Variants in CYTH1 observed in about 807,000 individuals in gnomAD.
CYTH1 encodes cytohesin-1.
In CYTH1, 18 loss-of-function variants were observed where a neutral mutation model predicts 61.8. The observed-to-expected ratio is 0.29, with a 90% confidence interval of 0.20 to 0.43. The LOEUF (loss-of-function observed/expected upper bound fraction) is 0.43, where lower values mean the gene tolerates loss of function less well. Among genes scored for constraint, CYTH1 ranks in the 20% least tolerant of loss-of-function variants. The probability of loss-of-function intolerance (pLI) is 1.00; values close to 1 mark genes in which losing one functional copy is unlikely to be tolerated. For missense variants in CYTH1, 336 were observed against 510.5 expected, an observed-to-expected ratio of 0.66 and a Z score of 3.29; for synonymous variants, 174 against 184.3, an observed-to-expected ratio of 0.94 and a Z score of 0.45.
intron 1 of CYTH1, among the ~76,000 whole-genome samples, chr17:78,720,742 G>T (rs543981156): frequency 1.3e-5 from 2 of 152,334 alleles, no homozygotes; most frequent in Admixed American, 1.3e-4. Context: ...ACATGTGGTG[G>T]CACGCACTTG....
intron 13 of CYTH1, chr17:78,676,812 C>T (rs978381312): frequency 4.7e-5 from 17 of 360,392 alleles, no homozygotes; most frequent in South Asian, 3.3e-4. Context: ...GGCCGCGCCG[C>T]GGGCTGGAGC....
At chr17:78,698,234 C>T (rs1274422391) in intron 9 of CYTH1, 35 bp downstream of exon 9, 4 of 1,548,108 alleles carry the variant, frequency 2.6e-6, no homozygotes, top group African/African-American at 2.7e-5. Flanking sequence ...TCCTAAGTCT[C>T]AGCTTTAGGA....
At chr17:78,737,443 T>C (rs1567868364) in intron 1 of CYTH1, among the ~76,000 whole-genome samples, 1 of 152,124 alleles carries the variant, frequency 6.6e-6, no homozygotes, top group Non-Finnish European at 1.5e-5. Flanking sequence ...GGGGAGCCCA[T>C]GGAAAGCCGA....
intron 1 of CYTH1, among the ~76,000 whole-genome samples, chr17:78,770,019 G>A (rs761268338): frequency 2.6e-5 from 4 of 152,080 alleles, no homozygotes; most frequent in African/African-American, 7.2e-5. Context: ...GCATGGTGGC[G>A]TGTACCTGTA....
chr17:78,770,190 GGCGGGTGTCTGTAATCCCA>G (rs928031117), intron 1 of CYTH1, among the ~76,000 whole-genome samples: 1 of 151,456 alleles, frequency 6.6e-6, no homozygotes, highest in Admixed American at 6.6e-5. Context: ...CAGGCATGGT[GGCGGGTGTCTGTAATCCCA>G]GCTACTTGGG....
chr17:78,743,867 G>T (rs2093350383), intron 1 of CYTH1, among the ~76,000 whole-genome samples: 1 of 152,230 alleles, frequency 6.6e-6, no homozygotes, highest in Non-Finnish European at 1.5e-5. Context: ...TGGTAGGCAT[G>T]GCCTATAGAT....
chr17:78,696,865 C>T (rs1210341105), intron 9 of CYTH1: 9 of 152,142 alleles, frequency 5.9e-5, no homozygotes, highest in Non-Finnish European at 8.8e-5. Context: ...ACACTTTAAA[C>T]GTTTCCAGTA....
At chr17:78,777,897 T>A (rs2144780069) in intron 1 of CYTH1, among the ~76,000 whole-genome samples, 1 of 151,328 alleles carries the variant, frequency 6.6e-6, no homozygotes, top group Admixed American at 6.6e-5. Flanking sequence ...CACAAAACGT[T>A]ACCAACTTAC....
rs148622796 is a variant in CYTH1 at position 78,692,595 on chromosome 17, G to A, written c.815-102C>T. 119 of 1,032,982 alleles carry A rather than the reference G, an allele frequency of 1.2e-4. No individual in the cohort carries two copies. In the East Asian group the frequency reaches 2.8e-3, roughly 24 times the overall value. The allele number at this position is 1,032,982 out of a possible 1,614,324, so 64.0% of individuals were successfully genotyped here. ...TCTCTTCTCAGAGAGGGTTGGGGGAGAGGCATCAGGAGAACGTGGAGCCCA... is the reference window on the plus strand; with the variant it reads ...TCTCTTCTCAGAGAGGGTTGGGGGAAAGGCATCAGGAGAACGTGGAGCCCA... On this transcript the variant is annotated intron_variant, in intron 10 of 13. Transcript: ENST00000446868.
chr17:78,772,539 T>C (rs2093475604), intron 1 of CYTH1, among the ~76,000 whole-genome samples: 1 of 152,028 alleles, frequency 6.6e-6, no homozygotes, highest in Non-Finnish European at 1.5e-5. Context: ...TTTTGTTTCG[T>C]TTTTGTTTTT....
At chr17:78,743,870 CTATAG>C (rs2093350413) in intron 1 of CYTH1, among the ~76,000 whole-genome samples, 1 of 152,184 alleles carries the variant, frequency 6.6e-6, no homozygotes, top group Non-Finnish European at 1.5e-5. Flanking sequence ...TAGGCATGGC[CTATAG>C]ATTGATGTGT....
rs185130246 is a variant in CYTH1, at chr17:78,741,774, T to C, written c.23-32042A>G. The stretch of plus-strand genomic sequence containing the variant: ...ACTCTTCTCTCACCCTTGCGTCTCC[T>C]GGTCAAACCCAACCAGGAACCACAC... On this transcript the variant is annotated intron_variant, in intron 1 of 13. Coordinates refer to ENST00000446868, the MANE Select transcript of CYTH1 (RefSeq NM_004762.6). 1.3e-3 allele frequency among the ~76,000 whole-genome samples: 200 copies of C among 152,292 alleles called. 1 individual carries two copies. The highest frequency in any genetic ancestry group is 4.6e-3 in the African/African-American group (192 of 41,566).
At chr17:78,687,490 C>A (rs9899067) in intron 11 of CYTH1, among the ~76,000 whole-genome samples, 10,553 of 152,202 alleles carry the variant, frequency 0.069, 737 homozygotes, top group African/African-American at 0.17. Flanking sequence ...TAGCATTGGC[C>A]AAGGTGATTC....
At chr17:78,678,150 C>T (rs547355616) in intron 13 of CYTH1, 1 of 152,402 alleles carries the variant, frequency 6.6e-6, no homozygotes, top group African/African-American at 2.4e-5. Context: ...GAGAACTTGG[C>T]ACTCACGCTC....
At chr17:78,709,564 G>A in intron 2 of CYTH1, 86 bp downstream of exon 2, 1 of 1,403,456 alleles carries the variant, frequency 7.1e-7, no homozygotes, top group Non-Finnish European at 1.0e-6. Flanking sequence ...GTCTTGAGGA[G>A]ACACTCTGCA....
In CYTH1 at chr17:78,770,408, TTTTTG is replaced by T. The variant is rs542437342; in HGVS notation, c.22+11789_22+11793del. Among the ~76,000 whole-genome samples, 61 of 151,618 alleles carry T rather than the reference TTTTTG, an allele frequency of 4.0e-4. 1 individual carries two copies. Among genetic ancestry groups the T allele is most frequent in the African/African-American group, 1.1e-3 (45 of 41,300 alleles). On this transcript the variant is annotated intron_variant, in intron 1 of 13. Coordinates refer to ENST00000446868, the MANE Select transcript of CYTH1 (RefSeq NM_004762.6). ...ATATTACTACAAAATAGGCGGGTTTTTTTTGTTTTGTTTTGTTTTGTTTTGTTTGA... is the reference window on the plus strand; with the variant it reads ...ATATTACTACAAAATAGGCGGGTTTTTTTTGTTTTGTTTTGTTTTGTTTGA...
intron 1 of CYTH1, among the ~76,000 whole-genome samples, chr17:78,778,637 C>CAAAA (rs71309108): frequency 4.7e-3 from 297 of 63,138 alleles, no homozygotes; most frequent in Non-Finnish European, 5.7e-3. Context: ...GACTCCATCT[C>CAAAA]AAAAAAAAAA....
chr17:78,730,606 G>A (rs567580568), intron 1 of CYTH1, among the ~76,000 whole-genome samples: 59 of 152,014 alleles, frequency 3.9e-4, no homozygotes, highest in Non-Finnish European at 6.6e-4. Flanking sequence ...CAGAAATTGA[G>A]CTTCCATGAT....
chr17:78,733,076 CAAAAAAAAAAAAAAAAAAA>C (rs56020680), intron 1 of CYTH1, among the ~76,000 whole-genome samples: 1 of 47,694 alleles, frequency 2.1e-5, no homozygotes, highest in Non-Finnish European at 3.4e-5. Flanking sequence ...GACTCCATCT[CAAAAAAAAAAAAAAAAAAA>C]AAAAAAAAAA....
Sources: allele counts gnomAD v4.1 joint callset (sites outside exome capture counted in the v4.1 genomes callset), GRCh38; gene constraint gnomAD v4.1.1; transcripts MANE v1.5; gene names NCBI Gene and HGNC (gene_info 2026-07-23, HGNC 2026-07-21).